The following CTNNA2 variants were observed in gnomAD, a reference collection of about 807,000 sequenced individuals.
The protein encoded by CTNNA2 is catenin alpha-2.
CTNNA2 carries 42 observed loss-of-function variants against 101.0 expected under a neutral mutation model. The ratio of observed to expected loss-of-function variants is 0.42; its 90% CI spans 0.32 to 0.54. The LOEUF is 0.54. CTNNA2 is among the 20% of genes least tolerant of loss of function. The pLI is 0.14. For synonymous variants in CTNNA2, 450 were observed against 456.4 expected, an observed-to-expected ratio of 0.99 and a Z score of 0.18; for missense variants, 871 against 1,223.1, an observed-to-expected ratio of 0.71 and a Z score of 4.29.
At chr2:80,063,054 T>C (rs1697718799) in intron 7 of CTNNA2, among the ~76,000 whole-genome samples, 1 of 152,214 alleles carries the variant, frequency 6.6e-6, no homozygotes. Context: ...TATGCTCAAA[T>C]ACTTAAACTT....
intron 7 of CTNNA2, among the ~76,000 whole-genome samples, chr2:80,149,245 C>T (rs1163281634): frequency 1.3e-5 from 2 of 151,982 alleles, no homozygotes; most frequent in Non-Finnish European, 2.9e-5. Flanking sequence ...TACTTTGTTG[C>T]GCAGGCTGGT....
chr2:79,212,106 G>A (rs1674182173), intron 2 of CTNNA2, among the ~76,000 whole-genome samples: 1 of 152,222 alleles, frequency 6.6e-6, no homozygotes, highest in Non-Finnish European at 1.5e-5. Context: ...AGGAGGTTCA[G>A]CATAGCCCTG....
At chr2:79,888,924 A>G (rs1684091885) in intron 6 of CTNNA2, among the ~76,000 whole-genome samples, 1 of 152,210 alleles carries the variant, frequency 6.6e-6, no homozygotes, top group Non-Finnish European at 1.5e-5. Flanking sequence ...TTCGGACCCA[A>G]ATAAGGCCAC....
chr2:79,221,966 G>A (rs1470744974), intron 2 of CTNNA2, among the ~76,000 whole-genome samples: 2 of 152,092 alleles, frequency 1.3e-5, no homozygotes, highest in African/African-American at 4.8e-5. Context: ...CTCAAAGAAA[G>A]GATTTAATGA....
intron 7 of CTNNA2, among the ~76,000 whole-genome samples, chr2:80,232,153 C>A (rs927514771): frequency 1.3e-5 from 2 of 152,056 alleles, no homozygotes; most frequent in African/African-American, 4.8e-5. Context: ...CCAATGTATA[C>A]GTCACATGTA....
intron 7 of CTNNA2, among the ~76,000 whole-genome samples, chr2:80,322,090 T>C (rs1678752973): frequency 6.6e-6 from 1 of 152,220 alleles, no homozygotes; most frequent in African/African-American, 2.4e-5. Context: ...ATGTGTAGAA[T>C]TTCATAGAAC....
At chr2:80,252,624 A>G (rs1190271151) in intron 7 of CTNNA2, among the ~76,000 whole-genome samples, 2 of 152,198 alleles carry the variant, frequency 1.3e-5, no homozygotes, top group African/African-American at 4.8e-5. Flanking sequence ...TTGTGATTTC[A>G]AAAGTCAGAA....
chr2:80,316,071 A>G (rs1410706194), intron 7 of CTNNA2, among the ~76,000 whole-genome samples: 3 of 152,200 alleles, frequency 2.0e-5, no homozygotes, highest in South Asian at 4.1e-4. Flanking sequence ...TAGAATTGCT[A>G]TCTTCTCTTG....
intron 18 of CTNNA2, 34 bp downstream of exon 18, chr2:80,619,262 C>G: frequency 1.4e-6 from 2 of 1,469,542 alleles, no homozygotes; most frequent in East Asian, 2.5e-5. Flanking sequence ...TAATGTCTTT[C>G]ATTGTAATCA....
intron 3 of CTNNA2, among the ~76,000 whole-genome samples, chr2:79,801,021 A>T (rs891741393): frequency 1.3e-5 from 2 of 152,200 alleles, no homozygotes; most frequent in East Asian, 3.9e-4. Context: ...CTGAATCCAG[A>T]TCTGTGCTTT....
At chr2:79,688,475 T>G (rs1179347371) in intron 2 of CTNNA2, among the ~76,000 whole-genome samples, 1 of 151,978 alleles carries the variant, frequency 6.6e-6, no homozygotes, top group Non-Finnish European at 1.5e-5. Context: ...TATATATATC[T>G]ATATGTGTAT....
chr2:80,105,592 C>T (rs1700832516), intron 7 of CTNNA2, among the ~76,000 whole-genome samples: 1 of 152,058 alleles, frequency 6.6e-6, no homozygotes, highest in Non-Finnish European at 1.5e-5. Flanking sequence ...CAAAAATAGC[C>T]AGGCATGGTT....
chr2:79,453,398 TG>T (rs1670778596), intron 4 of CTNNA2, among the ~76,000 whole-genome samples: 1 of 152,144 alleles, frequency 6.6e-6, no homozygotes. Context: ...TTCAAGGAAT[TG>T]TCATGCTATA....
chr2:80,191,949 G>T (rs1473857590), intron 7 of CTNNA2, among the ~76,000 whole-genome samples: 1 of 152,134 alleles, frequency 6.6e-6, no homozygotes, highest in African/African-American at 2.4e-5. Context: ...TGATTAATTG[G>T]CTAGTCATGA....
intron 16 of CTNNA2, among the ~76,000 whole-genome samples, chr2:80,607,613 GTC>G (rs1698139191): frequency 6.6e-6 from 1 of 151,818 alleles, no homozygotes; most frequent in South Asian, 2.1e-4. Flanking sequence ...AACCATTTCA[GTC>G]TCTCATTTAA....
intron 4 of CTNNA2, among the ~76,000 whole-genome samples, chr2:79,384,331 G>A (rs1678072684): frequency 6.8e-6 from 1 of 146,788 alleles, no homozygotes; most frequent in East Asian, 2.1e-4. Flanking sequence ...GCTGTACAAG[G>A]AAAGCATTAC....
chr2:79,273,380 C>T (rs982464488), intron 2 of CTNNA2, among the ~76,000 whole-genome samples: 1 of 152,018 alleles, frequency 6.6e-6, no homozygotes, highest in African/African-American at 2.4e-5. Context: ...AGCATTTAGC[C>T]TGAGATAACT....
Position 79,321,400 on chromosome 2 carries a change from T to C in CTNNA2, c.-318+8604T>C, listed in dbSNP as rs571716664. On this transcript the variant is annotated intron_variant, in intron 3 of 21. Transcript: ENST00000466387. ...AGAAACCAATACGTATGAAAGTAAT[T>C]TGGGGCTGAGTTGTGTGAAATTTTA... Among the ~76,000 whole-genome samples the C allele has an allele frequency of 1.2e-4, 17 of 145,906 alleles. No individual in the cohort carries two copies. In the South Asian group the frequency reaches 3.8e-3, roughly 33 times the overall value.
In CTNNA2 at chr2:79,500,074, T is replaced by G. The variant is rs1167997267; in HGVS notation, c.-134-4980T>G. Among the ~76,000 whole-genome samples the G allele has an allele frequency of 2.0e-5, 3 of 152,172 alleles. No individual in the cohort carries two copies. The East Asian group carries it at 5.8e-4, about 29-fold the overall frequency. On this transcript the variant is annotated intron_variant, in intron 4 of 21. Transcript: ENST00000466387. ...TCTTGTTTACTCAAAGGTCATGGAT[T>G]TAAATGTCAGTCTCATCCAAAAATA...
Sources: allele counts gnomAD v4.1 joint callset (sites outside exome capture counted in the v4.1 genomes callset), GRCh38; gene constraint gnomAD v4.1.1; transcripts MANE v1.5; gene names NCBI Gene and HGNC (gene_info 2026-07-23, HGNC 2026-07-21).